Variants in CNTLN observed in about 807,000 individuals in gnomAD.
CNTLN encodes the protein centlein, also known as centlein, centrosomal protein.
In CNTLN, 212 loss-of-function variants were observed where a neutral mutation model predicts 180.0. That is an observed-to-expected ratio of 1.18 (90% CI 1.05 to 1.32). The LOEUF is 1.32. Ranked by LOEUF, CNTLN falls within the 40% of genes most tolerant of loss-of-function variation. The probability of loss-of-function intolerance (pLI) is 0.00; values close to 1 mark genes in which losing one functional copy is unlikely to be tolerated. For missense variants in CNTLN, 2,095 were observed against 1,610.9 expected, an observed-to-expected ratio of 1.30 and a Z score of -5.14; for synonymous variants, 722 against 563.1, an observed-to-expected ratio of 1.28 and a Z score of -3.99.
Position 17,388,177 on chromosome 9 carries a change from C to G in CNTLN, c.2003C>G (p.Ser668Cys), listed in dbSNP as rs368455471. The change falls in exon 14 of 26, where the codon TCT (serine) becomes TGT (cysteine). Residue 668 changes from serine to cysteine, a missense_variant. Transcript: ENST00000380647. ...AERREEQLFR[S>C]GEDDEVKRST... ...TCTCTACCAGAACAGCTCTTTAGATCTGGTGAAGATGATGAGGTCAAGAGG... is the reference window on the plus strand; with the variant it reads ...TCTCTACCAGAACAGCTCTTTAGATGTGGTGAAGATGATGAGGTCAAGAGG... The G allele has an allele frequency of 1.6e-5, 26 of 1,609,012 alleles. No individual in the cohort carries two copies. The highest frequency in any genetic ancestry group is 1.7e-5 in the Admixed American group (1 of 59,892).
At chr9:17,488,785 G>T (rs966927459) in intron 25 of CNTLN, among the ~76,000 whole-genome samples, 2 of 152,030 alleles carry the variant, frequency 1.3e-5, no homozygotes, top group Non-Finnish European at 2.9e-5. Context: ...GAATATAATT[G>T]CCAGGCAGTA....
intron 18 of CNTLN, among the ~76,000 whole-genome samples, chr9:17,423,445 A>G (rs1026597028): frequency 4.6e-5 from 7 of 150,918 alleles, no homozygotes; most frequent in African/African-American, 1.7e-4. Flanking sequence ...AAGACAAAGT[A>G]CTCTTTACTC....
intron 6 of CNTLN, among the ~76,000 whole-genome samples, chr9:17,277,005 C>G (rs1418274063): frequency 6.6e-6 from 1 of 151,956 alleles, no homozygotes; most frequent in Non-Finnish European, 1.5e-5. Context: ...ATTTACCTAG[C>G]CATTGCATTA....
chr9:17,453,623 G>C (rs1007063997), intron 18 of CNTLN, among the ~76,000 whole-genome samples: 1 of 152,202 alleles, frequency 6.6e-6, no homozygotes, highest in African/African-American at 2.4e-5. Context: ...TCAGGAGTCT[G>C]ATACAGCCTA....
At chr9:17,225,763 A>T (rs1824426479) in intron 2 of CNTLN, among the ~76,000 whole-genome samples, 1 of 152,052 alleles carries the variant, frequency 6.6e-6, no homozygotes, top group Admixed American at 6.6e-5. Flanking sequence ...AGAAATGTAT[A>T]GGAAGGTGTC....
At chr9:17,418,545 TA>T (rs1311486892) in intron 18 of CNTLN, among the ~76,000 whole-genome samples, 2 of 152,170 alleles carry the variant, frequency 1.3e-5, no homozygotes, top group African/African-American at 2.4e-5. Flanking sequence ...ATTTCTGTGA[TA>T]TTTTTAATAA....
In CNTLN at chr9:17,446,640, A is replaced by G. The variant is rs1830442220; in HGVS notation, c.3115-10884A>G. Among the ~76,000 whole-genome samples, 3 of 152,156 alleles carry G rather than the reference A, an allele frequency of 2.0e-5. No individual in the cohort carries two copies. The South Asian group carries it at 6.2e-4, about 32-fold the overall frequency. On this transcript the variant is annotated intron_variant, in intron 18 of 25. Coordinates refer to ENST00000380647, the MANE Select transcript of CNTLN (RefSeq NM_017738.4). ...AGAAATATATCATGGTCTATTATAAATTTTTAGAAGTCAAAAATTATTCTA... is the reference window on the plus strand; with the variant it reads ...AGAAATATATCATGGTCTATTATAAGTTTTTAGAAGTCAAAAATTATTCTA...
At chr9:17,278,623 A>C (rs1008374708) in intron 6 of CNTLN, among the ~76,000 whole-genome samples, 1 of 152,104 alleles carries the variant, frequency 6.6e-6, no homozygotes, top group African/African-American at 2.4e-5. Context: ...ATATAGTTTT[A>C]CTGTACAGCT....
At chr9:17,278,577 TC>T (rs1211318760) in intron 6 of CNTLN, among the ~76,000 whole-genome samples, 1 of 152,132 alleles carries the variant, frequency 6.6e-6, no homozygotes, top group Admixed American at 6.5e-5. Context: ...AATTTTTCCT[TC>T]CCATATAATT....
rs150845415 is a variant in CNTLN, at chr9:17,383,889, C to T, written c.1988-4273C>T. 5.1e-3 allele frequency among the ~76,000 whole-genome samples: 772 copies of T among 152,182 alleles called. 13 individuals carry two copies. The highest frequency in any genetic ancestry group is 0.018 in the African/African-American group (733 of 41,520). ...TCCTGACCTCGTGATCTGCCTGTCTCGGCCTCCCAAAGTACTGAGATTACA... is the reference window on the plus strand; with the variant it reads ...TCCTGACCTCGTGATCTGCCTGTCTTGGCCTCCCAAAGTACTGAGATTACA... On this transcript the variant is annotated intron_variant, in intron 13 of 25. Transcript: ENST00000380647.
intron 6 of CNTLN, among the ~76,000 whole-genome samples, chr9:17,280,463 A>G (rs2132576432): frequency 6.6e-6 from 1 of 151,826 alleles, no homozygotes; most frequent in South Asian, 2.1e-4. Context: ...CATTTCATTC[A>G]TTCAACAACT....
chr9:17,312,295 A>G (rs2132943127), intron 8 of CNTLN, among the ~76,000 whole-genome samples: 1 of 145,070 alleles, frequency 6.9e-6, no homozygotes, highest in Non-Finnish European at 1.5e-5. Context: ...CTGACTTCTA[A>G]TCTACTTCCA....
intron 8 of CNTLN, among the ~76,000 whole-genome samples, chr9:17,318,410 C>T (rs1414408873): frequency 6.6e-6 from 1 of 152,092 alleles, no homozygotes; most frequent in African/African-American, 2.4e-5. Flanking sequence ...AGGAGGGAGA[C>T]AAATTTAACA....
At chr9:17,376,844 TTTA>T (rs1824815605) in intron 13 of CNTLN, among the ~76,000 whole-genome samples, 2 of 152,088 alleles carry the variant, frequency 1.3e-5, no homozygotes. Flanking sequence ...GAGATTTACA[TTTA>T]TTATATTTAT....
At chr9:17,380,752 G>A (rs1465252164) in intron 13 of CNTLN, among the ~76,000 whole-genome samples, 1 of 152,144 alleles carries the variant, frequency 6.6e-6, no homozygotes, top group Non-Finnish European at 1.5e-5. Context: ...ATCAGACAAT[G>A]CAAGAAACAA....
intron 1 of CNTLN, among the ~76,000 whole-genome samples, chr9:17,141,455 C>T (rs1481761416): frequency 6.6e-6 from 1 of 151,892 alleles, no homozygotes; most frequent in Non-Finnish European, 1.5e-5. Context: ...GTGCATTGGC[C>T]CTGGTTCAAG....
intron 6 of CNTLN, among the ~76,000 whole-genome samples, chr9:17,294,145 A>T (rs777744984): frequency 4.6e-5 from 7 of 152,108 alleles, no homozygotes; most frequent in Admixed American, 6.5e-5. Flanking sequence ...CGAGTGTTAC[A>T]GCTCATAAAG....
the CNTLN span, among the ~76,000 whole-genome samples, chr9:17,520,706 G>T: frequency 1.2e-4 from 19 of 152,320 alleles, no homozygotes; most frequent in African/African-American, 3.6e-4. Context: ...TATGAATTCA[G>T]TTCAGTAAGT....
At chr9:17,479,705 A>G (rs1471741070) in intron 23 of CNTLN, among the ~76,000 whole-genome samples, 2 of 152,206 alleles carry the variant, frequency 1.3e-5, no homozygotes, top group Non-Finnish European at 2.9e-5. Context: ...ATAAAATTAG[A>G]AGAAAAGAAA....
Sources: allele counts gnomAD v4.1 joint callset (sites outside exome capture counted in the v4.1 genomes callset), GRCh38; gene constraint gnomAD v4.1.1; transcripts MANE v1.5; gene names NCBI Gene and HGNC (gene_info 2026-07-23, HGNC 2026-07-21).